The following UBE2R2 variants were observed in gnomAD, a reference collection of about 807,000 sequenced individuals.
UBE2R2 encodes ubiquitin-conjugating enzyme E2 R2.
A neutral mutation model predicts 27.8 loss-of-function variants in UBE2R2; 1 was observed. The observed-to-expected ratio is 0.04, with a 90% confidence interval of 0.01 to 0.17. The LOEUF (loss-of-function observed/expected upper bound fraction) is 0.17. Among genes scored for constraint, UBE2R2 ranks in the 10% least tolerant of loss-of-function variants. The pLI is 1.00. For synonymous variants in UBE2R2, 106 were observed against 113.3 expected (o/e 0.94, Z 0.41); for missense variants, 100 against 291.0 (o/e 0.34, Z 4.78).
intron 1 of UBE2R2, among the ~76,000 whole-genome samples, chr9:33,829,834 T>C (rs560924017): frequency 6.7e-5 from 10 of 149,918 alleles, no homozygotes; most frequent in Admixed American, 6.1e-4. Flanking sequence ...TCGCTCTAGT[T>C]GCCCAGACTG....
At chr9:33,876,712 G>C (rs986714264) in intron 1 of UBE2R2, among the ~76,000 whole-genome samples, 20 of 152,066 alleles carry the variant, frequency 1.3e-4, no homozygotes, top group African/African-American at 4.8e-4. Flanking sequence ...TCAGGAGATC[G>C]AGACCATCCT....
chr9:33,825,867 C>T (rs1007515436), intron 1 of UBE2R2, among the ~76,000 whole-genome samples: 4 of 152,184 alleles, frequency 2.6e-5, no homozygotes, highest in African/African-American at 4.8e-5. Context: ...TGCAGTGGCT[C>T]ATGCCTGCTC....
intron 4 of UBE2R2, among the ~76,000 whole-genome samples, chr9:33,914,902 C>G (rs773565420): frequency 9.2e-5 from 14 of 151,596 alleles, no homozygotes; most frequent in Admixed American, 7.2e-4. Flanking sequence ...TTTGGGAGGC[C>G]GAGGCGGGCA....
intron 1 of UBE2R2, among the ~76,000 whole-genome samples, chr9:33,819,884 G>A (rs542933467): frequency 3.3e-5 from 5 of 152,186 alleles, no homozygotes; most frequent in African/African-American, 1.2e-4. Context: ...TGATCAACCC[G>A]CCTCTGCCTC....
chr9:33,891,562 G>A (rs1036595511), intron 2 of UBE2R2, among the ~76,000 whole-genome samples: 2 of 151,254 alleles, frequency 1.3e-5, no homozygotes, highest in East Asian at 2.0e-4. Flanking sequence ...CATGAGAATC[G>A]CTTGAACCCA....
At chr9:33,842,741 G>A (rs939128163) in intron 1 of UBE2R2, among the ~76,000 whole-genome samples, 1 of 152,076 alleles carries the variant, frequency 6.6e-6, no homozygotes. Context: ...CCATTGTAGT[G>A]TAGATTAATC....
At chr9:33,843,828 A>G (rs1000689425) in intron 1 of UBE2R2, among the ~76,000 whole-genome samples, 3 of 152,322 alleles carry the variant, frequency 2.0e-5, no homozygotes, top group East Asian at 1.9e-4. Context: ...GATGTTTGAC[A>G]TTACTTATAA....
chr9:33,888,468 G>A (rs1228062877), intron 2 of UBE2R2, among the ~76,000 whole-genome samples: 1 of 152,110 alleles, frequency 6.6e-6, no homozygotes, highest in Non-Finnish European at 1.5e-5. Context: ...GATGTTGGAA[G>A]TACCTTTGCT....
At position 33,866,532 on chromosome 9, in the gene UBE2R2, C is replaced by T. The variant is rs561036674; in HGVS notation, c.178-20349C>T. Among the ~76,000 whole-genome samples the T allele has an allele frequency of 9.2e-5, 14 of 152,310 alleles. 1 individual carries two copies. Among genetic ancestry groups the T allele is most frequent in the Admixed American group, 7.2e-4 (11 of 15,298 alleles). ...GGGATTACAGGCGTGAGTCACCGCA[C>T]CCAGCCAACATTTTTAATTTGATCA... On this transcript the variant is annotated intron_variant, in intron 1 of 4. Transcript: ENST00000263228.
chr9:33,871,201 C>T (rs1821477598), intron 1 of UBE2R2, among the ~76,000 whole-genome samples: 1 of 152,096 alleles, frequency 6.6e-6, no homozygotes, highest in South Asian at 2.1e-4. Flanking sequence ...ATTTGCATGC[C>T]TGTCTTTTAA....
chr9:33,843,065 T>TA (rs1820765777), intron 1 of UBE2R2, among the ~76,000 whole-genome samples: 1 of 144,698 alleles, frequency 6.9e-6, no homozygotes, highest in African/African-American at 2.5e-5. Context: ...TTTTTTTTTT[T>TA]AAGACAGAGT....
chr9:33,897,676 GC>G (rs1319517138), intron 2 of UBE2R2, among the ~76,000 whole-genome samples: 3 of 151,832 alleles, frequency 2.0e-5, no homozygotes, highest in Non-Finnish European at 4.4e-5. Context: ...TTAAAGGAAA[GC>G]TCATCTCAAA....
chr9:33,849,655 C>G (rs1281369076), intron 1 of UBE2R2, among the ~76,000 whole-genome samples: 2 of 150,294 alleles, frequency 1.3e-5, no homozygotes, highest in Non-Finnish European at 3.0e-5. Context: ...AGTTCAAGAC[C>G]AGCCTGGACA....
chr9:33,861,932 C>T (rs138105781), intron 1 of UBE2R2, among the ~76,000 whole-genome samples: 151 of 148,268 alleles, frequency 1.0e-3, no homozygotes, highest in African/African-American at 3.6e-3. Flanking sequence ...TGGCTCAGTG[C>T]AACCTCTGCC....
At chr9:33,910,305 C>T (rs987282450) in intron 3 of UBE2R2, among the ~76,000 whole-genome samples, 12 of 152,046 alleles carry the variant, frequency 7.9e-5, no homozygotes, top group Non-Finnish European at 1.5e-5. Flanking sequence ...CCTGCTACCA[C>T]ACCTGGCTAA....
rs182153217 is a variant in UBE2R2, at chr9:33,824,266, T to C, written c.177+6332T>C. 6.7e-3 allele frequency among the ~76,000 whole-genome samples: 1,005 copies of C among 149,576 alleles called. 4 individuals are homozygous for C. Among genetic ancestry groups the C allele is most frequent in the Middle Eastern group, 0.014 (4 of 292 alleles). ...CAGGACTTTGGGAGGCCGAGGCGGG[T>C]GGATCACCTGATGTCAGGAGTTCAA... On this transcript the variant is annotated intron_variant, in intron 1 of 4. Transcript: ENST00000263228.
At chr9:33,835,149 T>TTTG (rs1254368809) in intron 1 of UBE2R2, among the ~76,000 whole-genome samples, 40 of 148,314 alleles carry the variant, frequency 2.7e-4, no homozygotes, top group African/African-American at 9.9e-4. Context: ...GTGTAGGTTT[T>TTTG]TTTTTTTTTT....
chr9:33,820,254 T>G (rs1825955871), intron 1 of UBE2R2, among the ~76,000 whole-genome samples: 1 of 152,266 alleles, frequency 6.6e-6, no homozygotes, highest in African/African-American at 2.4e-5. Flanking sequence ...TACACTGATT[T>G]AAATTAAATG....
chr9:33,828,067 C>A (rs947025744), intron 1 of UBE2R2, among the ~76,000 whole-genome samples: 1 of 151,778 alleles, frequency 6.6e-6, no homozygotes, highest in African/African-American at 2.4e-5. Context: ...CTTTGGGAGG[C>A]TGAGGCTGGC....
Sources: allele counts gnomAD v4.1 joint callset (sites outside exome capture counted in the v4.1 genomes callset), GRCh38; gene constraint gnomAD v4.1.1; transcripts MANE v1.5; gene names NCBI Gene and HGNC (gene_info 2026-07-23, HGNC 2026-07-21).